Variants in USP32 observed in about 807,000 individuals in gnomAD.
The protein encoded by USP32 is ubiquitin specific peptidase 32, also known as ubiquitin carboxyl-terminal hydrolase 32.
Under a neutral mutation model 204.8 loss-of-function variants are expected in USP32, and 59 were observed. That is an observed-to-expected ratio of 0.29 (90% CI 0.23 to 0.36). USP32 has a LOEUF of 0.36. USP32 is among the 10% of genes least tolerant of loss of function. The probability of loss-of-function intolerance (pLI) is 1.00; values close to 1 mark genes in which losing one functional copy is unlikely to be tolerated. For synonymous variants in USP32, 517 were observed against 678.4 expected (o/e 0.76, Z 3.70); for missense variants, 1,160 against 1,946.4 (o/e 0.60, Z 7.60).
Position 60,181,487 on chromosome 17 carries a change from T to C in USP32, c.4385A>G (p.Gln1462Arg). 1 of 1,614,036 alleles carries C rather than the reference T, an allele frequency of 6.2e-7. No homozygotes were observed. Among genetic ancestry groups the C allele is most frequent in the East Asian group, 2.2e-5 (1 of 44,886 alleles). Residue 1462 changes from glutamine to arginine, a missense_variant, in exon 32 of 34, where the codon CAG becomes CGG. By Grantham distance (43) the Gln-to-Arg change is conservative. This residue lies in a region of USP32 where 244 missense variants were observed against 342.3 expected (regional missense o/e 0.71). Coordinates refer to ENST00000300896, the MANE Select transcript of USP32 (RefSeq NM_032582.4). The part of the protein sequence containing the change: ...GGSQPELVTP[Q>R]DHEVALANGF... ...ATTGGCCAAAGCTACCTCATGGTCC[T>C]GAGGAGTGACCAACTCTGGTTGGCT...
In USP32 at chr17:60,255,314, T is replaced by TC; in HGVS notation, c.991-57_991-56insG. 4 of 1,334,780 alleles carry TC rather than the reference T, an allele frequency of 3.0e-6. No homozygotes were observed. In the African/African-American group the frequency reaches 6.0e-5, roughly 20 times the overall value. 82.7% of individuals were successfully genotyped at this position (1,334,780 alleles called of 1,614,324 possible). On this transcript the variant is annotated intron_variant, in intron 9 of 33. Coordinates refer to ENST00000300896, the MANE Select transcript of USP32 (RefSeq NM_032582.4). ...CTTTTTTTTCTTTTTTTTTTTTTTT[T>TC]TGAGACGGAGTCTCATACTGTTGCC...
In USP32 at chr17:60,181,483, G is replaced by T. The variant is rs2084110908; in HGVS notation, c.4389C>A (p.Asp1463Glu). ...ATCCATTGGCCAAAGCTACCTCATG[G>T]TCCTGAGGAGTGACCAACTCTGGTT... ...GSQPELVTPQ[D>E]HEVALANGFL... Residue 1463 changes from aspartate to glutamate, a missense_variant, in exon 32 of 34, where the codon GAC becomes GAA. Transcript: ENST00000300896. 1 of 1,613,884 alleles carries T rather than the reference G, an allele frequency of 6.2e-7. No homozygotes were observed. Among genetic ancestry groups the T allele is most frequent in the African/African-American group, 1.3e-5 (1 of 74,922 alleles).
chr17:60,362,603 A>C (rs1326857823), intron 1 of USP32, among the ~76,000 whole-genome samples: 1 of 152,252 alleles, frequency 6.6e-6, no homozygotes, highest in African/African-American at 2.4e-5. Context: ...CATGGAGAGA[A>C]TGTCCTTAAG....
intron 1 of USP32, among the ~76,000 whole-genome samples, chr17:60,351,669 C>T (rs1232009336): frequency 6.6e-6 from 1 of 152,190 alleles, no homozygotes; most frequent in East Asian, 1.9e-4. Flanking sequence ...CTCAGGTGAT[C>T]CACCTCCCTC....
intron 11 of USP32, among the ~76,000 whole-genome samples, chr17:60,251,165 A>G (rs2086156898): frequency 6.6e-6 from 1 of 151,560 alleles, no homozygotes. Flanking sequence ...CTGGTCTCGA[A>G]CTCCTGAGCT....
intron 2 of USP32, among the ~76,000 whole-genome samples, chr17:60,307,518 T>C (rs775685619): frequency 1.3e-5 from 2 of 152,118 alleles, no homozygotes; most frequent in Non-Finnish European, 2.9e-5. Flanking sequence ...TCCTAAAACA[T>C]ACATGGAACC....
At chr17:60,395,518 T>C (rs2089894640), upstream of USP32, among the ~76,000 whole-genome samples, 1 of 152,246 alleles carries the variant, frequency 6.6e-6, no homozygotes, top group Non-Finnish European at 1.5e-5. Flanking sequence ...TTAAAATTGA[T>C]GCAGTACTTA....
At chr17:60,288,386 G>A in intron 5 of USP32, 137 bp downstream of exon 5, 1 of 1,041,968 alleles carries the variant, frequency 9.6e-7, no homozygotes, top group Non-Finnish European at 1.3e-6. Context: ...ACTGCCGTAA[G>A]CCACGATGGT....
intron 1 of USP32, among the ~76,000 whole-genome samples, chr17:60,353,936 G>T (rs912187891): frequency 5.9e-5 from 9 of 152,202 alleles, no homozygotes; most frequent in African/African-American, 2.2e-4. Context: ...TACACCAGTA[G>T]TTATTAACCT....
Position 60,192,858 on chromosome 17 carries a change from C to G in USP32, c.3507G>C (p.Trp1169Cys). Reference sequence around the variant, plus strand: ...GGTCACTTTACCTATACCATGGGCACCAAGCACAGGAGTTCCCATCTTTCT... The same window carrying G: ...GGTCACTTTACCTATACCATGGGCAGCAAGCACAGGAGTTCCCATCTTTCT... ...VVQKDGNSCAWCPWYRFCRGC... is the reference protein window; with the variant it reads ...VVQKDGNSCACCPWYRFCRGC... Residue 1169 changes from tryptophan (W) to cysteine (C), a missense_variant, in exon 28 of 34, where the codon TGG becomes TGC. Transcript: ENST00000300896. 1.2e-6 allele frequency: 2 copies of G among 1,613,996 alleles called. No homozygotes were observed. The highest frequency in any genetic ancestry group is 1.1e-5 in the South Asian group (1 of 91,082).
chr17:60,243,893 T>G (rs2085941721), intron 11 of USP32, among the ~76,000 whole-genome samples: 1 of 152,196 alleles, frequency 6.6e-6, no homozygotes, highest in South Asian at 2.1e-4. Flanking sequence ...ACTTGACTTT[T>G]GTAACCTAAA....
intron 11 of USP32, chr17:60,249,869 G>A (rs761563629): frequency 1.5e-5 from 8 of 531,178 alleles, no homozygotes; most frequent in East Asian, 7.2e-5. Flanking sequence ...TTTTAACAAC[G>A]TACTGACTGT....
At chr17:60,315,530 G>C (rs1026072718) in intron 2 of USP32, among the ~76,000 whole-genome samples, 1 of 152,198 alleles carries the variant, frequency 6.6e-6, no homozygotes, top group African/African-American at 2.4e-5. Flanking sequence ...CAGCCTGGTG[G>C]TTCTTCAAAA....
At chr17:60,415,986 C>T (rs1487067939) in intron 1 of USP32, among the ~76,000 whole-genome samples, 2 of 152,004 alleles carry the variant, frequency 1.3e-5, no homozygotes, top group Non-Finnish European at 2.9e-5. Flanking sequence ...ACTACAGGCA[C>T]GTGCCACCAC....
intron 27 of USP32, among the ~76,000 whole-genome samples, chr17:60,195,526 C>T (rs532313757): frequency 6.4e-4 from 98 of 152,212 alleles, no homozygotes; most frequent in Non-Finnish European, 1.3e-3. Context: ...TTAGTAGAGA[C>T]GGGGTTTTGC....
intron 1 of USP32, among the ~76,000 whole-genome samples, chr17:60,383,014 G>A (rs1329210869): frequency 2.6e-5 from 4 of 152,172 alleles, no homozygotes; most frequent in Admixed American, 6.5e-5. Flanking sequence ...TTGGGAGGCC[G>A]AGGCAGGTGG....
At chr17:60,227,384 C>T (rs1156888460) in intron 12 of USP32, among the ~76,000 whole-genome samples, 3 of 151,356 alleles carry the variant, frequency 2.0e-5, no homozygotes, top group East Asian at 3.9e-4. Context: ...ATTCTCCTGC[C>T]TCAGCCTCCC....
At position 60,257,099 on chromosome 17, in the gene USP32, A is replaced by ACT. The variant is rs546069930; in HGVS notation, c.991-1843_991-1842dup. The stretch of plus-strand genomic sequence containing the variant: ...GCTGCCTGATGAGACAGAAGCCAAT[A>ACT]CTCTGATGTTGGGTTTTTGAGAAAA... On this transcript the variant is annotated intron_variant, in intron 9 of 33. Coordinates refer to ENST00000300896, the MANE Select transcript of USP32 (RefSeq NM_032582.4). 2.6e-5 allele frequency: 5 copies of ACT among 191,892 alleles called. No homozygotes were observed. In the South Asian group the frequency reaches 4.5e-4, roughly 17 times the overall value. The allele number at this position is 191,892 out of a possible 1,614,324, so 11.9% of individuals were successfully genotyped here. A position where few individuals can be genotyped will look rare whatever the true frequency, so the allele number is the denominator to read the frequency against.
chr17:60,395,391 G>C (rs1000093569), upstream of USP32, among the ~76,000 whole-genome samples: 2 of 152,228 alleles, frequency 1.3e-5, no homozygotes, highest in African/African-American at 4.8e-5. Context: ...ATTGTAGCCA[G>C]TGAAGCAGAT....
Sources: gnomAD v4.1 joint callset for allele counts (sites outside exome capture counted in the v4.1 genomes callset) on GRCh38, gnomAD v4.1.1 for gene constraint, gnomAD v4.1.1 regional missense constraint, MANE v1.5 for transcripts, NCBI Gene and HGNC (gene_info 2026-07-23, HGNC 2026-07-21) for gene names.